SLC8A1: variants seen among roughly 807,000 people sequenced by gnomAD.
SLC8A1 encodes solute carrier family 8 member A1.
Under a neutral mutation model 68.3 loss-of-function variants are expected in SLC8A1, and 18 were observed. The observed-to-expected ratio is 0.26, with a 90% CI of 0.18 to 0.39. The LOEUF (loss-of-function observed/expected upper bound fraction) is 0.39. Ranked by LOEUF, SLC8A1 falls within the 10% of genes least tolerant of loss-of-function variation. The probability of loss-of-function intolerance (pLI) is 1.00; values close to 1 mark genes in which losing one functional copy is unlikely to be tolerated. For missense variants in SLC8A1, 985 were observed against 1,156.7 expected, an observed-to-expected ratio of 0.85 and a Z score of 2.15; for synonymous variants, 475 against 415.5, an observed-to-expected ratio of 1.14 and a Z score of -1.74.
upstream of SLC8A1, among the ~76,000 whole-genome samples, chr2:40,454,480 C>CTTTTTT (rs543088073): frequency 6.7e-5 from 8 of 119,530 alleles, no homozygotes; most frequent in Admixed American, 8.5e-5. Flanking sequence ...TGTCTTAAGA[C>CTTTTTT]TTTTTTTTTT....
chr2:40,210,479 A>G (rs991610598), intron 2 of SLC8A1, among the ~76,000 whole-genome samples: 1 of 152,170 alleles, frequency 6.6e-6, no homozygotes, highest in African/African-American at 2.4e-5. Flanking sequence ...ACCCAACCAA[A>G]TCACATTTGA....
At chr2:40,434,384 G>T (rs948566209) in intron 1 of SLC8A1, among the ~76,000 whole-genome samples, 1 of 152,080 alleles carries the variant, frequency 6.6e-6, no homozygotes, top group African/African-American at 2.4e-5. Flanking sequence ...AAATGCCCAC[G>T]AAGATGTGGA....
chr2:40,246,241 A>G, intron 2 of SLC8A1, among the ~76,000 whole-genome samples: 1 of 152,224 alleles, frequency 6.6e-6, no homozygotes, highest in East Asian at 1.9e-4. Context: ...TGTGGTACAC[A>G]TCTATCTCAT....
intron 2 of SLC8A1, among the ~76,000 whole-genome samples, chr2:40,394,720 T>A (rs1307862159): frequency 6.6e-6 from 1 of 152,092 alleles, no homozygotes; most frequent in African/African-American, 2.4e-5. Flanking sequence ...TAATCACTGA[T>A]TTAGCACAAC....
exon 8 of SLC8A1, chr2:40,111,712 C>T (rs947546113): frequency 6.6e-6 from 1 of 152,196 alleles, no homozygotes; most frequent in South Asian, 2.1e-4. Flanking sequence ...AGACAGAAAT[C>T]GTTAATGCGA....
intron 2 of SLC8A1, among the ~76,000 whole-genome samples, chr2:40,222,679 A>G (rs919053282): frequency 6.6e-6 from 1 of 152,220 alleles, no homozygotes; most frequent in Admixed American, 6.5e-5. Context: ...TTTACAAGAA[A>G]AAAACAGCCC....
chr2:40,443,572 A>G (rs144359183), intron 1 of SLC8A1, among the ~76,000 whole-genome samples: 41 of 152,340 alleles, frequency 2.7e-4, no homozygotes, highest in African/African-American at 8.7e-4. Flanking sequence ...AGTAGCTTCT[A>G]TAATTTATAC....
intron 1 of SLC8A1, among the ~76,000 whole-genome samples, chr2:40,441,033 G>A (rs11690022): frequency 1.3e-5 from 2 of 152,104 alleles, no homozygotes; most frequent in Non-Finnish European, 2.9e-5. Flanking sequence ...GAAAACCCCA[G>A]TGTCTCAGCC....
At chr2:40,202,178 A>T (rs943755421) in intron 2 of SLC8A1, among the ~76,000 whole-genome samples, 1 of 151,966 alleles carries the variant, frequency 6.6e-6, no homozygotes, top group Admixed American at 6.6e-5. Context: ...CAGTAAGAAG[A>T]GTAGGTCAAA....
chr2:40,510,199 ATTTC>A (rs769097796), intron 1 of SLC8A1, among the ~76,000 whole-genome samples: 3 of 152,256 alleles, frequency 2.0e-5, no homozygotes, highest in South Asian at 2.1e-4. Flanking sequence ...TCAAAATATG[ATTTC>A]TTTAAGATTT....
In SLC8A1 at chr2:40,121,684, G is replaced by T. The variant is rs530567069; in HGVS notation, c.2438-6055C>A. ...AGTTAACATGAATAGAATAGGGCCTGGCACTTAATGGGTGTTCAGTATTAT... is the reference window on the plus strand; with the variant it reads ...AGTTAACATGAATAGAATAGGGCCTTGCACTTAATGGGTGTTCAGTATTAT... On this transcript the variant is annotated intron_variant, in intron 7 of 7. Transcript: ENST00000406785. Among the ~76,000 whole-genome samples the T allele has an allele frequency of 5.9e-5, 9 of 152,254 alleles. No individual in the cohort carries two copies. In the East Asian group the frequency reaches 1.4e-3, roughly 23 times the overall value.
chr2:40,212,301 T>TTTTTTTA (rs1553417570), intron 2 of SLC8A1, among the ~76,000 whole-genome samples: 1 of 150,320 alleles, frequency 6.7e-6, no homozygotes, highest in Non-Finnish European at 1.5e-5. Context: ...TTTTTTTTTT[T>TTTTTTTA]CCTGAGACAA....
At chr2:40,263,870 G>A (rs1163184712) in intron 2 of SLC8A1, among the ~76,000 whole-genome samples, 1 of 152,150 alleles carries the variant, frequency 6.6e-6, no homozygotes, top group African/African-American at 2.4e-5. Context: ...AAACTAAAGA[G>A]CTTGTGCACA....
At chr2:40,266,108 TC>T (rs2065325508) in intron 2 of SLC8A1, among the ~76,000 whole-genome samples, 3 of 152,228 alleles carry the variant, frequency 2.0e-5, no homozygotes, top group Admixed American at 2.0e-4. Context: ...TTAAAAATTT[TC>T]TAGAAATTGG....
At chr2:40,205,419 T>C (rs2055214168) in intron 2 of SLC8A1, among the ~76,000 whole-genome samples, 2 of 152,056 alleles carry the variant, frequency 1.3e-5, no homozygotes, top group South Asian at 4.1e-4. Context: ...TCTTCTCTCG[T>C]TCTTTTTTAT....
In SLC8A1 at chr2:40,261,751, C is replaced by T. The variant is rs547003897; in HGVS notation, c.1809-83896G>A. ...GTGGGTACTGCGTAAGTGCCACAGT[C>T]GTTGCACTGTGCTTTTCAGTAAGTG... On this transcript the variant is annotated intron_variant, in intron 2 of 7. Transcript: ENST00000406785. Among the ~76,000 whole-genome samples the T allele has an allele frequency of 1.4e-4, 22 of 152,270 alleles. No individual in the cohort carries two copies. The East Asian group carries it at 2.9e-3, about 20-fold the overall frequency.
chr2:40,358,276 CAA>C (rs375073331), intron 2 of SLC8A1, among the ~76,000 whole-genome samples: 32 of 135,280 alleles, frequency 2.4e-4, no homozygotes, highest in Middle Eastern at 3.8e-3. Flanking sequence ...CAGATTAAGA[CAA>C]AAAAAAAAAA....
At chr2:40,392,581 T>C (rs964030937) in intron 2 of SLC8A1, among the ~76,000 whole-genome samples, 1 of 152,128 alleles carries the variant, frequency 6.6e-6, no homozygotes, top group East Asian at 1.9e-4. Context: ...TAAGTGCTAA[T>C]TGCTGAAGAT....
In SLC8A1 at chr2:40,286,976, G is replaced by A. The variant is rs553058570; in HGVS notation, c.1809-109121C>T. Among the ~76,000 whole-genome samples, 4 of 152,316 alleles carry A rather than the reference G, an allele frequency of 2.6e-5. No individual in the cohort carries two copies. In the East Asian group the frequency reaches 7.7e-4, roughly 29 times the overall value. On this transcript the variant is annotated intron_variant, in intron 2 of 7. Transcript: ENST00000406785. ...ATCTGAGTGCAATTTGAGACATGGAGTTAGGCTTTAAGAATGACTTTGAGG... is the reference window on the plus strand; with the variant it reads ...ATCTGAGTGCAATTTGAGACATGGAATTAGGCTTTAAGAATGACTTTGAGG...
Sources: gnomAD v4.1 joint callset for allele counts (sites outside exome capture counted in the v4.1 genomes callset) on GRCh38, gnomAD v4.1.1 for gene constraint, MANE v1.5 for transcripts, NCBI Gene and HGNC (gene_info 2026-07-23, HGNC 2026-07-21) for gene names.